The following CDYL2 variants were observed in gnomAD, a reference collection of about 807,000 sequenced individuals.
CDYL2 encodes chromodomain Y like 2.
CDYL2 carries 23 observed loss-of-function variants against 49.4 expected under a neutral mutation model. The ratio of observed to expected loss-of-function variants is 0.47; its 90% confidence interval spans 0.34 to 0.66. The LOEUF (loss-of-function observed/expected upper bound fraction) is 0.66. CDYL2 is among the 30% of genes least tolerant of loss of function. The pLI is 0.01. For missense variants in CDYL2, 678 were observed against 656.4 expected, an observed-to-expected ratio of 1.03 and a Z score of -0.36; for synonymous variants, 360 against 268.8, an observed-to-expected ratio of 1.34 and a Z score of -3.32.
intron 1 of CDYL2, among the ~76,000 whole-genome samples, chr16:80,690,413 T>C (rs1910369625): frequency 6.6e-6 from 1 of 152,188 alleles, no homozygotes; most frequent in African/African-American, 2.4e-5. Context: ...CTAACCTTGA[T>C]TCAGCATGAC....
At chr16:80,719,712 CAG>C (rs1904934683) in intron 1 of CDYL2, among the ~76,000 whole-genome samples, 1 of 152,198 alleles carries the variant, frequency 6.6e-6, no homozygotes, top group Non-Finnish European at 1.5e-5. Context: ...ACTGTGAACC[CAG>C]ACACAGTGGC....
At position 80,652,709 on chromosome 16, in the gene CDYL2, A is replaced by C. The variant is rs150582811; in HGVS notation, c.617-19473T>G. On this transcript the variant is annotated intron_variant, in intron 2 of 6. Transcript: ENST00000570137. ...GTGACAGGTCACGTTCTTAGTCTTT[A>C]TGAACTATAGACCTGATAGGATGTG... 2.2e-4 allele frequency among the ~76,000 whole-genome samples: 33 copies of C among 152,318 alleles called. 1 individual carries two copies. In the East Asian group the frequency reaches 6.2e-3, roughly 29 times the overall value.
chr16:80,793,291 G>C (rs567715522), intron 1 of CDYL2, among the ~76,000 whole-genome samples: 1 of 152,214 alleles, frequency 6.6e-6, no homozygotes, highest in Non-Finnish European at 1.5e-5. Flanking sequence ...CACCTTAACA[G>C]AGAATGGCCA....
intron 2 of CDYL2, among the ~76,000 whole-genome samples, chr16:80,674,693 C>T (rs771677256): frequency 6.6e-6 from 1 of 152,232 alleles, no homozygotes; most frequent in African/African-American, 2.4e-5. Flanking sequence ...GGACATTTGA[C>T]ATAAGTGGAA....
At chr16:80,696,556 C>A (rs1004898893) in intron 1 of CDYL2, among the ~76,000 whole-genome samples, 3 of 151,734 alleles carry the variant, frequency 2.0e-5, no homozygotes, top group African/African-American at 7.3e-5. Context: ...ACAAAAAATT[C>A]TTAGAGACTG....
intron 3 of CDYL2, among the ~76,000 whole-genome samples, chr16:80,622,303 A>T (rs1420744789): frequency 1.3e-5 from 2 of 152,110 alleles, no homozygotes; most frequent in Admixed American, 1.3e-4. Flanking sequence ...GGCCAAGCCT[A>T]TATTCACCTA....
At chr16:80,797,062 T>A (rs987486995) in intron 1 of CDYL2, among the ~76,000 whole-genome samples, 15 of 152,160 alleles carry the variant, frequency 9.9e-5, no homozygotes, top group African/African-American at 3.4e-4. Flanking sequence ...TTCTTCCATC[T>A]CTAAAATGTC....
At chr16:80,744,599 T>C (rs1363793233) in intron 1 of CDYL2, among the ~76,000 whole-genome samples, 1 of 152,174 alleles carries the variant, frequency 6.6e-6, no homozygotes, top group African/African-American at 2.4e-5. Context: ...GTCTTCAAAA[T>C]ACAGGTGAAG....
chr16:80,604,709 T>A (rs1415486399), intron 6 of CDYL2, among the ~76,000 whole-genome samples, 163 bp from the exon 7 acceptor site: 1 of 152,152 alleles, frequency 6.6e-6, no homozygotes, highest in Non-Finnish European at 1.5e-5. Context: ...AGCACGGCCA[T>A]GAATGGATCC....
At chr16:80,801,547 A>G (rs1042758374) in intron 1 of CDYL2, among the ~76,000 whole-genome samples, 1 of 152,250 alleles carries the variant, frequency 6.6e-6, no homozygotes, top group African/African-American at 2.4e-5. Flanking sequence ...AAATATATCA[A>G]TTACAAACGT....
chr16:80,630,599 C>G (rs916295213), intron 3 of CDYL2, among the ~76,000 whole-genome samples: 1 of 152,072 alleles, frequency 6.6e-6, no homozygotes, highest in African/African-American at 2.4e-5. Flanking sequence ...GAATCCCACA[C>G]AGAGGTCTAC....
At chr16:80,636,417 C>T (rs903030031) in intron 2 of CDYL2, among the ~76,000 whole-genome samples, 1 of 152,044 alleles carries the variant, frequency 6.6e-6, no homozygotes, top group African/African-American at 2.4e-5. Flanking sequence ...ACAGACATTT[C>T]TCAAGAAATG....
intron 2 of CDYL2, among the ~76,000 whole-genome samples, chr16:80,644,207 T>C (rs973662585): frequency 1.3e-5 from 2 of 152,220 alleles, no homozygotes; most frequent in African/African-American, 4.8e-5. Context: ...TGCTAAAACA[T>C]AACAAGTGCC....
intron 2 of CDYL2, among the ~76,000 whole-genome samples, chr16:80,663,391 T>C (rs1261884810): frequency 6.6e-6 from 1 of 151,704 alleles, no homozygotes; most frequent in Non-Finnish European, 1.5e-5. Context: ...AGGACCTGAA[T>C]GCAATAGCAG....
chr16:80,792,363 A>T (rs985528114), intron 1 of CDYL2, among the ~76,000 whole-genome samples: 1 of 152,212 alleles, frequency 6.6e-6, no homozygotes, highest in African/African-American at 2.4e-5. Context: ...GTGGAGGGCC[A>T]TTCTAGGAAA....
intron 1 of CDYL2, among the ~76,000 whole-genome samples, chr16:80,704,175 G>C (rs1904329045): frequency 6.6e-6 from 1 of 152,172 alleles, no homozygotes; most frequent in African/African-American, 2.4e-5. Context: ...CCTCATCCAA[G>C]CCAGACACTG....
chr16:80,724,299 GAAGA>G (rs1490840319), intron 1 of CDYL2, among the ~76,000 whole-genome samples: 1 of 150,664 alleles, frequency 6.6e-6, no homozygotes, highest in African/African-American at 2.4e-5. Flanking sequence ...AAAGAAAGGA[GAAGA>G]GAGAGAGGAA....
chr16:80,658,032 G>T (rs550795373), intron 2 of CDYL2, among the ~76,000 whole-genome samples: 1 of 146,590 alleles, frequency 6.8e-6, no homozygotes, highest in Non-Finnish European at 1.5e-5. Context: ...ATAAAGAGAA[G>T]AAAGGTGGAA....
chr16:80,650,120 G>T (rs1235705537), intron 2 of CDYL2, among the ~76,000 whole-genome samples: 1 of 152,044 alleles, frequency 6.6e-6, no homozygotes, highest in Non-Finnish European at 1.5e-5. Flanking sequence ...GGACAAATGG[G>T]ATCACAGTAA....
Sources: gnomAD v4.1 joint callset for allele counts (sites outside exome capture counted in the v4.1 genomes callset) on GRCh38, gnomAD v4.1.1 for gene constraint, MANE v1.5 for transcripts, NCBI Gene and HGNC (gene_info 2026-07-23, HGNC 2026-07-21) for gene names.